The following CSMD1 variants were observed in gnomAD, a reference collection of about 807,000 sequenced individuals.
CSMD1 encodes CUB and sushi domain-containing protein 1.
In CSMD1, 213 loss-of-function variants were observed where a neutral mutation model predicts 417.5. That is an observed-to-expected ratio of 0.51 (90% CI 0.46 to 0.57). The LOEUF is 0.57. CSMD1 is among the 20% of genes least tolerant of loss of function. CSMD1 has a pLI of 0.00. For missense variants in CSMD1, 6,923 were observed against 4,529.7 expected (o/e 1.53, Z -15.17); for synonymous variants, 2,862 against 1,736.8 (o/e 1.65, Z -16.11).
intron 10 of CSMD1, among the ~76,000 whole-genome samples, chr8:3,568,160 C>A (rs751463281): frequency 4.6e-5 from 7 of 152,034 alleles, no homozygotes; most frequent in Non-Finnish European, 8.8e-5. Flanking sequence ...ATATGAAAGT[C>A]TTTTTGAGGG....
At chr8:4,061,507 A>G (rs956651127) in intron 3 of CSMD1, among the ~76,000 whole-genome samples, 4 of 152,200 alleles carry the variant, frequency 2.6e-5, no homozygotes, top group Non-Finnish European at 5.9e-5. Context: ...ACTGTAAAGT[A>G]AGTAGGGAAT....
intron 3 of CSMD1, among the ~76,000 whole-genome samples, chr8:4,232,600 C>T (rs146608705): frequency 6.1e-4 from 93 of 152,306 alleles, no homozygotes; most frequent in Middle Eastern, 3.4e-3. Context: ...ATCCTAACCA[C>T]AGTGTCATGT....
At chr8:3,485,538 C>CACACACACACAGAGAGAGAG (rs376214281) in intron 11 of CSMD1, among the ~76,000 whole-genome samples, 3 of 134,922 alleles carry the variant, frequency 2.2e-5, no homozygotes, top group Admixed American at 1.5e-4. Context: ...CACACACACA[C>CACACACACACAGAGAGAGAG]AGAGAGAGAG....
chr8:4,566,585 G>A (rs1457334134), intron 2 of CSMD1, among the ~76,000 whole-genome samples: 3 of 147,492 alleles, frequency 2.0e-5, no homozygotes, highest in Admixed American at 6.8e-5. Flanking sequence ...CCCAGGAGGT[G>A]GAGCTTGCAG....
intron 37 of CSMD1, 26 bp from the exon 38 acceptor site, chr8:3,162,303 A>C (rs1439168277): frequency 1.5e-6 from 2 of 1,379,206 alleles, no homozygotes; most frequent in Admixed American, 1.9e-5. Context: ...CAAATGCTAG[A>C]AATTATATGA....
chr8:3,463,552 G>A (rs1374720059), intron 12 of CSMD1, among the ~76,000 whole-genome samples: 2 of 152,174 alleles, frequency 1.3e-5, no homozygotes, highest in African/African-American at 4.8e-5. Flanking sequence ...GTCTGACTAT[G>A]AATAGCGTAT....
intron 61 of CSMD1, 104 bp from the exon 62 acceptor site, chr8:2,961,318 T>C: frequency 1.8e-6 from 1 of 566,260 alleles, no homozygotes; most frequent in Non-Finnish European, 3.1e-6. Context: ...AAAATATTGT[T>C]TTGAGAAATG....
chr8:3,588,349 A>G (rs570482007), intron 8 of CSMD1, among the ~76,000 whole-genome samples: 1 of 152,262 alleles, frequency 6.6e-6, no homozygotes, highest in South Asian at 2.1e-4. Context: ...AGCACCATGA[A>G]GAAAATAAAT....
chr8:3,882,585 T>G (rs928212991), intron 5 of CSMD1, among the ~76,000 whole-genome samples: 1 of 152,182 alleles, frequency 6.6e-6, no homozygotes, highest in African/African-American at 2.4e-5. Flanking sequence ...AAGGCTAGAA[T>G]GTTCATAGTA....
chr8:3,146,923 C>T (rs2129033744), intron 40 of CSMD1, among the ~76,000 whole-genome samples: 1 of 152,228 alleles, frequency 6.6e-6, no homozygotes, highest in Middle Eastern at 3.4e-3. Context: ...TCAGGCAATC[C>T]CATGCTTATC....
chr8:3,821,403 A>ACG (rs1291239650), intron 5 of CSMD1, among the ~76,000 whole-genome samples: 1 of 152,174 alleles, frequency 6.6e-6, no homozygotes, highest in Non-Finnish European at 1.5e-5. Flanking sequence ...CACCACACAC[A>ACG]CGCGCATGTG....
At chr8:4,839,635 C>T (rs976463337) in intron 1 of CSMD1, among the ~76,000 whole-genome samples, 1 of 152,076 alleles carries the variant, frequency 6.6e-6, no homozygotes, top group Non-Finnish European at 1.5e-5. Context: ...AGAACTTGTT[C>T]CTCACACATG....
chr8:3,230,302 T>C (rs1798759047), intron 26 of CSMD1, 71 bp from the exon 27 acceptor site: 2 of 1,279,098 alleles, frequency 1.6e-6, no homozygotes, highest in Non-Finnish European at 2.1e-6. Context: ...GGTGTGGTTG[T>C]TCTTGTGGGT....
chr8:3,700,236 G>C (rs1428712365), intron 7 of CSMD1, among the ~76,000 whole-genome samples: 2 of 151,974 alleles, frequency 1.3e-5, no homozygotes, highest in African/African-American at 4.8e-5. Flanking sequence ...TATACCACCT[G>C]TACCCCAATA....
chr8:4,756,764 G>T (rs976677655), intron 1 of CSMD1, among the ~76,000 whole-genome samples: 1 of 152,174 alleles, frequency 6.6e-6, no homozygotes. Flanking sequence ...AGCTTCCTGG[G>T]AGTCATCTTG....
chr8:4,375,276 G>A (rs548083582), intron 3 of CSMD1, among the ~76,000 whole-genome samples: 1 of 152,072 alleles, frequency 6.6e-6, no homozygotes, highest in East Asian at 1.9e-4. Flanking sequence ...CAGACTTCAG[G>A]AAAAGACACA....
chr8:3,540,543 A>G (rs1798394025), intron 10 of CSMD1, among the ~76,000 whole-genome samples: 1 of 152,230 alleles, frequency 6.6e-6, no homozygotes, highest in Non-Finnish European at 1.5e-5. Context: ...GGATCTAATT[A>G]AAGTAAAGAG....
chr8:4,358,508 C>G (rs1801564421), intron 3 of CSMD1, among the ~76,000 whole-genome samples: 1 of 152,154 alleles, frequency 6.6e-6, no homozygotes, highest in Non-Finnish European at 1.5e-5. Flanking sequence ...TTTGCGATAC[C>G]AGCAGAGCTC....
At chr8:3,207,587 TGC>T (rs1352966579) in intron 30 of CSMD1, among the ~76,000 whole-genome samples, 3 of 152,178 alleles carry the variant, frequency 2.0e-5, no homozygotes, top group Admixed American at 6.5e-5. Flanking sequence ...AATATGGTAA[TGC>T]TAAGGATAAG....
Sources: gnomAD v4.1 joint callset for allele counts (sites outside exome capture counted in the v4.1 genomes callset) on GRCh38, gnomAD v4.1.1 for gene constraint, MANE v1.5 for transcripts, NCBI Gene and HGNC (gene_info 2026-07-23, HGNC 2026-07-21) for gene names.